The following CREB5 variants were observed in gnomAD, a reference collection of about 807,000 sequenced individuals.
CREB5 encodes the protein cyclic AMP-responsive element-binding protein 5.
A neutral mutation model predicts 57.1 loss-of-function variants in CREB5; 19 were observed. The ratio of observed to expected loss-of-function variants is 0.33; its 90% confidence interval spans 0.23 to 0.49. The LOEUF is 0.49. Among genes scored for constraint, CREB5 ranks in the 20% least tolerant of loss-of-function variants. The pLI is 0.99. For missense variants in CREB5, 579 were observed against 671.6 expected, an observed-to-expected ratio of 0.86 and a Z score of 1.52; for synonymous variants, 238 against 238.3, an observed-to-expected ratio of 1.00 and a Z score of 0.01.
chr7:28,305,987 T>G (rs1232530171), intron 1 of CREB5, among the ~76,000 whole-genome samples: 1 of 150,752 alleles, frequency 6.6e-6, no homozygotes, highest in Admixed American at 6.6e-5. Flanking sequence ...TTTAATTAGT[T>G]TTTTTTTTGC....
intron 4 of CREB5, among the ~76,000 whole-genome samples, chr7:28,555,004 T>C (rs1794802785): frequency 6.6e-6 from 1 of 152,168 alleles, no homozygotes. Context: ...CCATTCTGGC[T>C]CAGTGTTCCT....
At chr7:28,665,900 A>C (rs10225139) in intron 5 of CREB5, among the ~76,000 whole-genome samples, 36,316 of 151,954 alleles carry the variant, frequency 0.24, 4,544 homozygotes, top group Middle Eastern at 0.37. Flanking sequence ...TCTAAAGCAC[A>C]AGGAAGAACA....
At chr7:28,502,138 C>T (rs1792298690) in intron 3 of CREB5, among the ~76,000 whole-genome samples, 1 of 152,154 alleles carries the variant, frequency 6.6e-6, no homozygotes, top group African/African-American at 2.4e-5. Context: ...ACAGTAACAT[C>T]AGTGTTACTG....
At chr7:28,447,641 G>T (rs574397056) in intron 1 of CREB5, among the ~76,000 whole-genome samples, 3 of 152,276 alleles carry the variant, frequency 2.0e-5, no homozygotes, top group African/African-American at 7.2e-5. Context: ...TGGTGTGTGT[G>T]TATGTGTGTA....
At chr7:28,672,658 C>T (rs572739121) in intron 5 of CREB5, among the ~76,000 whole-genome samples, 16 of 152,204 alleles carry the variant, frequency 1.1e-4, no homozygotes, top group South Asian at 6.2e-4. Flanking sequence ...AAGCCAACAA[C>T]GAATTCAGGG....
At chr7:28,510,346 T>C (rs1017084488) in intron 4 of CREB5, among the ~76,000 whole-genome samples, 1 of 152,246 alleles carries the variant, frequency 6.6e-6, no homozygotes, top group Non-Finnish European at 1.5e-5. Context: ...ACATCTCTAG[T>C]TGTCTTCTGA....
At chr7:28,439,472 G>A (rs569456664) in intron 1 of CREB5, among the ~76,000 whole-genome samples, 55 of 152,164 alleles carry the variant, frequency 3.6e-4, no homozygotes, top group African/African-American at 1.3e-3. Flanking sequence ...CCCTATAATA[G>A]CCAGTTAAGA....
intron 9 of CREB5, among the ~76,000 whole-genome samples, chr7:28,811,049 G>A (rs143038519): frequency 5.9e-5 from 9 of 152,230 alleles, no homozygotes; most frequent in Middle Eastern, 3.4e-3. Context: ...CTTGTATGCC[G>A]CGGGAAGATT....
At chr7:28,809,845 A>G (rs1808999011) in intron 9 of CREB5, among the ~76,000 whole-genome samples, 1 of 152,236 alleles carries the variant, frequency 6.6e-6, no homozygotes, top group African/African-American at 2.4e-5. Flanking sequence ...TGCCTGGCCC[A>G]TAACAAACCT....
chr7:28,476,580 T>G (rs1791076472), intron 1 of CREB5, among the ~76,000 whole-genome samples: 1 of 152,196 alleles, frequency 6.6e-6, no homozygotes, highest in Non-Finnish European at 1.5e-5. Context: ...CCACAGCTAA[T>G]GAGCAAAGGA....
At chr7:28,737,570 TATATA>T (rs1804088530) in intron 7 of CREB5, among the ~76,000 whole-genome samples, 1 of 47,962 alleles carries the variant, frequency 2.1e-5, no homozygotes, top group Non-Finnish European at 5.2e-5. Flanking sequence ...TATATATATA[TATATA>T]TATATATATA....
At chr7:28,404,891 G>A (rs1787545347) in intron 1 of CREB5, among the ~76,000 whole-genome samples, 1 of 152,194 alleles carries the variant, frequency 6.6e-6, no homozygotes, top group African/African-American at 2.4e-5. Context: ...CACTGGGACA[G>A]GCAACAGCAA....
chr7:28,372,358 G>A (rs1186356012), intron 1 of CREB5, among the ~76,000 whole-genome samples: 3 of 152,168 alleles, frequency 2.0e-5, no homozygotes, highest in South Asian at 2.1e-4. Flanking sequence ...TAATGGAGAC[G>A]TCCTGGTAAT....
chr7:28,476,995 G>T (rs1305842081), intron 1 of CREB5, among the ~76,000 whole-genome samples: 1 of 152,214 alleles, frequency 6.6e-6, no homozygotes, highest in Admixed American at 6.5e-5. Context: ...CAGAGGGCAG[G>T]AACTGTTTGT....
At chr7:28,695,014 C>T (rs1328056151) in intron 5 of CREB5, among the ~76,000 whole-genome samples, 1 of 152,010 alleles carries the variant, frequency 6.6e-6, no homozygotes, top group Non-Finnish European at 1.5e-5. Flanking sequence ...AGCTTGAGCC[C>T]GAGAGTTTGA....
At chr7:28,310,237 T>C (rs963304188) in intron 1 of CREB5, among the ~76,000 whole-genome samples, 1 of 152,194 alleles carries the variant, frequency 6.6e-6, no homozygotes, top group East Asian at 1.9e-4. Flanking sequence ...AGTTATTTCA[T>C]GCAAACTTTT....
At chr7:28,637,441 C>A (rs902349782) in intron 5 of CREB5, among the ~76,000 whole-genome samples, 1 of 152,028 alleles carries the variant, frequency 6.6e-6, no homozygotes, top group Non-Finnish European at 1.5e-5. Context: ...AAACAAGATA[C>A]AATTCTAAAA....
At position 28,578,908 on chromosome 7, in the gene CREB5, A is replaced by G. The variant is rs138160002; in HGVS notation, c.464+8371A>G. Reference sequence around the variant, plus strand: ...AGCATTTTACCTTTGATTGAATCAGAATAACACATAAACATCCAATTTGAT... The same window carrying G: ...AGCATTTTACCTTTGATTGAATCAGGATAACACATAAACATCCAATTTGAT... On this transcript the variant is annotated intron_variant, in intron 5 of 10. Transcript: ENST00000357727. 9.8e-5 allele frequency among the ~76,000 whole-genome samples: 15 copies of G among 152,354 alleles called. No homozygotes were observed. In the East Asian group the frequency reaches 2.9e-3, roughly 29 times the overall value.
At position 28,630,304 on chromosome 7, in the gene CREB5, A is replaced by G. The variant is rs113293961; in HGVS notation, c.464+59767A>G. Among the ~76,000 whole-genome samples the G allele has an allele frequency of 7.6e-3, 1,156 of 152,260 alleles. 9 individuals carry two copies. Among genetic ancestry groups the G allele is most frequent in the Admixed American group, 0.015 (227 of 15,288 alleles). ...TTAGGCAAAGTTTTTGTCATTTGTCATGATTCTGTAGTACCACCCAATTTG... is the reference window on the plus strand; with the variant it reads ...TTAGGCAAAGTTTTTGTCATTTGTCGTGATTCTGTAGTACCACCCAATTTG... On this transcript the variant is annotated intron_variant, in intron 5 of 10. Transcript: ENST00000357727.
Sources: allele counts gnomAD v4.1 joint callset (sites outside exome capture counted in the v4.1 genomes callset), GRCh38; gene constraint gnomAD v4.1.1; transcripts MANE v1.5; gene names NCBI Gene and HGNC (gene_info 2026-07-23, HGNC 2026-07-21).